NAV1: variants seen among roughly 807,000 people sequenced by gnomAD.
The protein encoded by NAV1 is pore membrane and/or filament interacting like protein 3.
A neutral mutation model predicts 175.2 loss-of-function variants in NAV1; 18 were observed. The observed-to-expected ratio is 0.10, with a 90% confidence interval of 0.07 to 0.15. NAV1 has a LOEUF of 0.15. NAV1 is among the 10% of genes least tolerant of loss of function. The pLI is 1.00. For missense variants in NAV1, 1,731 were observed against 2,436.6 expected (o/e 0.71, Z 6.10); for synonymous variants, 897 against 978.7 (o/e 0.92, Z 1.56).
Position 201,812,026 on chromosome 1 carries a change from A to G in NAV1, c.5024+52A>G, listed in dbSNP as rs1366342050. Reference sequence around the variant, plus strand: ...TTCTGACCCTACCCAAGAGTCTTCAATCCTGGACTCTGGCCAGGAGGCAGT... The same window carrying G: ...TTCTGACCCTACCCAAGAGTCTTCAGTCCTGGACTCTGGCCAGGAGGCAGT... On this transcript the variant is annotated intron_variant, in intron 26 of 29. Transcript: ENST00000367296. The surrounding 1 kb of genome is among the most constrained non-coding windows in gnomAD (Gnocchi z 4.6). The G allele has an allele frequency of 1.1e-5, 17 of 1,540,428 alleles. No homozygotes were observed. In the Admixed American group the frequency reaches 1.2e-4, roughly 11 times the overall value.
intron 3 of NAV1, among the ~76,000 whole-genome samples, chr1:201,754,053 A>G (rs886184486): frequency 1.3e-5 from 2 of 152,138 alleles, no homozygotes; most frequent in African/African-American, 2.4e-5. Context: ...TTTTTTTTCC[A>G]TATTGCCTTC....
intron 2 of NAV1, among the ~76,000 whole-genome samples, chr1:201,606,255 A>G (rs1667672803): frequency 1.3e-5 from 2 of 152,178 alleles, no homozygotes; most frequent in South Asian, 4.1e-4. Flanking sequence ...GAAGGCAAGG[A>G]CTTGCACATT....
intron 20 of NAV1, 91 bp from the exon 25 acceptor site, chr1:201,809,069 GCAAA>G: frequency 1.5e-6 from 2 of 1,375,040 alleles, no homozygotes; most frequent in Non-Finnish European, 2.1e-6. Context: ...CTTCTCTGTG[GCAAA>G]CAGAGTTATT....
In NAV1 at chr1:201,808,094, G is replaced by T. The variant is rs1317891017; in HGVS notation, c.3790G>T (p.Ala1264Ser). Residue 1264 changes from alanine to serine, a missense_variant, in exon 18 of 30, where the codon GCT becomes TCT. This residue lies in a region of NAV1 where 146 missense variants were observed against 176.8 expected (regional missense o/e 0.83). Transcript: ENST00000367296. The surrounding 1 kb of genome is among the most constrained non-coding windows in gnomAD (Gnocchi z 5.5). ...ACTACAGCATGGTTCTACAGAGACT[G>T]CTTCACCCTCCATCAAGTCCTCCAC... 2.5e-6 allele frequency: 4 copies of T among 1,614,052 alleles called. No individual in the cohort carries two copies. The highest frequency in any genetic ancestry group is 3.4e-6 in the Non-Finnish European group (4 of 1,180,040).
chr1:201,575,574 G>C (rs1055855080), intron 1 of NAV1, among the ~76,000 whole-genome samples: 2 of 152,144 alleles, frequency 1.3e-5, no homozygotes, highest in African/African-American at 2.4e-5. Context: ...CCCTTAGGCT[G>C]CCCCCAGTCT....
At chr1:201,639,788 A>T (rs938196892) in intron 2 of NAV1, among the ~76,000 whole-genome samples, 1 of 152,012 alleles carries the variant, frequency 6.6e-6, no homozygotes, top group Non-Finnish European at 1.5e-5. Flanking sequence ...TCCCCATCCC[A>T]GCTTGGGGGG....
intron 16 of NAV1, 139 bp downstream of exon 20, chr1:201,803,853 G>C: frequency 2.6e-6 from 3 of 1,139,060 alleles, no homozygotes; most frequent in Non-Finnish European, 3.7e-6. Context: ...TGTCCGCTCA[G>C]AGCATGGTCT....
At chr1:201,785,917 C>T (rs1676714603) in intron 8 of NAV1, among the ~76,000 whole-genome samples, 1 of 151,416 alleles carries the variant, frequency 6.6e-6, no homozygotes, top group Non-Finnish European at 1.5e-5. Context: ...CTCAGCCTCC[C>T]GAGTAGCTGG....
chr1:201,550,239 G>A (rs1455125734), intron 1 of NAV1, among the ~76,000 whole-genome samples: 1 of 151,948 alleles, frequency 6.6e-6, no homozygotes, highest in Non-Finnish European at 1.5e-5. Flanking sequence ...TGGCACCAAT[G>A]CAGCTCACTG....
chr1:201,643,832 C>T (rs943766562), upstream of NAV1, among the ~76,000 whole-genome samples: 2 of 152,186 alleles, frequency 1.3e-5, no homozygotes, highest in Admixed American at 1.3e-4. Context: ...CCCCAGACCC[C>T]CCACAGACAC....
At chr1:201,573,464 C>T (rs1230196341) in intron 1 of NAV1, among the ~76,000 whole-genome samples, 1 of 152,168 alleles carries the variant, frequency 6.6e-6, no homozygotes. Context: ...CCTCAGGGAG[C>T]CCCTGCCCTG....
At chr1:201,597,443 C>T (rs1667383670) in intron 2 of NAV1, among the ~76,000 whole-genome samples, 1 of 152,232 alleles carries the variant, frequency 6.6e-6, no homozygotes, top group African/African-American at 2.4e-5. Context: ...TGGGGGCTTC[C>T]TGGTCAAGGC....
At chr1:201,783,328 T>C (rs899186446) in intron 6 of NAV1, 78 bp from the exon 11 acceptor site, 13 of 1,385,824 alleles carry the variant, frequency 9.4e-6, no homozygotes, top group Non-Finnish European at 1.3e-5. Flanking sequence ...CAAGACTGGA[T>C]AGGATTTCTT....
exon 1 of NAV1, chr1:201,648,406 G>A (rs1323149157): frequency 9.1e-7 from 1 of 1,098,312 alleles, no homozygotes; most frequent in African/African-American, 1.9e-5. Context: ...CTTTTCCTCC[G>A]ACCCCGCCCT....
At chr1:201,595,010 G>A (rs1323810340) in intron 2 of NAV1, among the ~76,000 whole-genome samples, 1 of 152,238 alleles carries the variant, frequency 6.6e-6, no homozygotes, top group Non-Finnish European at 1.5e-5. Flanking sequence ...GCCGTTGAGG[G>A]GAGGGATGTG....
chr1:201,688,735 G>A (rs190563523), intron 1 of NAV1, among the ~76,000 whole-genome samples: 22 of 152,324 alleles, frequency 1.4e-4, no homozygotes, highest in Non-Finnish European at 2.6e-4. Context: ...TCCGATAATC[G>A]TCTTCGGAAG....
At chr1:201,582,107 C>A (rs1340249688) in intron 1 of NAV1, among the ~76,000 whole-genome samples, 2 of 152,114 alleles carry the variant, frequency 1.3e-5, no homozygotes, top group Non-Finnish European at 2.9e-5. Context: ...AACAAACAAA[C>A]AGACCAGGAA....
intron 1 of NAV1, among the ~76,000 whole-genome samples, chr1:201,554,202 G>A (rs190858107): frequency 2.0e-5 from 3 of 152,334 alleles, no homozygotes; most frequent in South Asian, 2.1e-4. Flanking sequence ...GAGCTGACAC[G>A]TGTTGACAGA....
Position 201,720,337 on chromosome 1 carries a change from A to G in NAV1, c.1226+1582A>G, listed in dbSNP as rs369169820. Reference sequence around the variant, plus strand: ...AGAAAGTCCCCCATGTGTTAGAAGAACCATAGCCCTAGACCCTAGGGAGCT... The same window carrying G: ...AGAAAGTCCCCCATGTGTTAGAAGAGCCATAGCCCTAGACCCTAGGGAGCT... On this transcript the variant is annotated intron_variant, in intron 3 of 29. Transcript: ENST00000367296. 4.0e-3 allele frequency among the ~76,000 whole-genome samples: 605 copies of G among 152,284 alleles called. 3 individuals carry two copies. The highest frequency in any genetic ancestry group is 0.014 in the African/African-American group (567 of 41,562).
Sources: gnomAD v4.1 joint callset for allele counts (sites outside exome capture counted in the v4.1 genomes callset) on GRCh38, gnomAD v4.1.1 for gene constraint, gnomAD v4.1.1 regional missense constraint, Gnocchi (gnomAD v3.1) non-coding constraint, MANE v1.5 for transcripts, NCBI Gene and HGNC (gene_info 2026-07-23, HGNC 2026-07-21) for gene names.